RAD51B: variants seen among roughly 807,000 people sequenced by gnomAD.
RAD51B encodes DNA repair protein RAD51 homolog 2.
A neutral mutation model predicts 42.2 loss-of-function variants in RAD51B; 38 were observed. The ratio of observed to expected loss-of-function variants is 0.90; its 90% confidence interval spans 0.70 to 1.18. The LOEUF is 1.18. Among genes scored for constraint, RAD51B ranks in the 50% most tolerant of loss-of-function variants. The pLI, the probability that RAD51B is intolerant of heterozygous loss-of-function variation, is 0.00. For synonymous variants in RAD51B, 154 were observed against 145.2 expected (o/e 1.06, Z -0.43); for missense variants, 373 against 400.7 (o/e 0.93, Z 0.59).
intron 8 of RAD51B, among the ~76,000 whole-genome samples, chr14:68,386,897 T>C (rs2083606115): frequency 6.6e-6 from 1 of 152,182 alleles, no homozygotes; most frequent in African/African-American, 2.4e-5. Flanking sequence ...GTTTGTGACA[T>C]AGAAAAATTG....
chr14:68,221,404 G>T (rs1029403685), intron 7 of RAD51B, among the ~76,000 whole-genome samples: 1 of 152,204 alleles, frequency 6.6e-6, no homozygotes, highest in South Asian at 2.1e-4. Flanking sequence ...ACAGCCAACC[G>T]ATCTTTGACA....
chr14:68,024,845 T>A (rs917285068), intron 7 of RAD51B, among the ~76,000 whole-genome samples: 1 of 152,032 alleles, frequency 6.6e-6, no homozygotes, highest in Non-Finnish European at 1.5e-5. Flanking sequence ...TTATTTTTTA[T>A]TTTTTTGCCT....
intron 10 of RAD51B, among the ~76,000 whole-genome samples, chr14:68,576,895 T>G (rs2140050710): frequency 6.6e-6 from 1 of 152,314 alleles, no homozygotes; most frequent in Non-Finnish European, 1.5e-5. Flanking sequence ...TATTTCAAGA[T>G]CAAGATAAAA....
intron 5 of RAD51B, among the ~76,000 whole-genome samples, chr14:67,878,803 G>A (rs1036290911): frequency 4.6e-5 from 7 of 152,076 alleles, no homozygotes; most frequent in African/African-American, 1.2e-4. Flanking sequence ...GGGTTCAAGC[G>A]ATTCTCCTTA....
At chr14:68,388,094 A>ATATTTT (rs1483952338) in intron 8 of RAD51B, among the ~76,000 whole-genome samples, 7 of 118,930 alleles carry the variant, frequency 5.9e-5, no homozygotes, top group East Asian at 2.3e-4. Context: ...ATATATATAT[A>ATATTTT]TTTTTTTTTT....
downstream of RAD51B, among the ~76,000 whole-genome samples, chr14:68,478,526 T>G (rs568086820): frequency 6.6e-6 from 1 of 152,264 alleles, no homozygotes; most frequent in Non-Finnish European, 1.5e-5. Context: ...ACACTCCTAC[T>G]GCCATGAGGC....
Position 67,832,100 on chromosome 14 carries a change from G to A in RAD51B, c.199-2980G>A, listed in dbSNP as rs191112144. On this transcript the variant is annotated intron_variant, in intron 3 of 10. Coordinates refer to ENST00000471583, the MANE Select transcript of RAD51B (RefSeq NM_133510.4). Reference sequence around the variant, plus strand: ...ATAAATTATATTACATTTATGTTAGGGAATATTATGTAGGCACTAAAATCT... The same window carrying A: ...ATAAATTATATTACATTTATGTTAGAGAATATTATGTAGGCACTAAAATCT... Among the ~76,000 whole-genome samples the A allele has an allele frequency of 3.2e-4, 49 of 152,200 alleles. No homozygotes were observed. The East Asian group carries it at 7.5e-3, about 23-fold the overall frequency.
intron 5 of RAD51B, among the ~76,000 whole-genome samples, chr14:67,877,837 A>C (rs2042776596): frequency 6.6e-6 from 1 of 152,046 alleles, no homozygotes; most frequent in Non-Finnish European, 1.5e-5. Context: ...TAATTAAAAA[A>C]ATTTTTTTGT....
chr14:68,558,390 G>C (rs11851618), intron 10 of RAD51B, among the ~76,000 whole-genome samples: 21 of 152,354 alleles, frequency 1.4e-4, no homozygotes, highest in Admixed American at 3.3e-4. Context: ...CCCTAGCCAC[G>C]CGGGTACTTT....
intron 8 of RAD51B, among the ~76,000 whole-genome samples, chr14:68,380,997 G>A (rs895828452): frequency 6.6e-6 from 1 of 152,218 alleles, no homozygotes; most frequent in African/African-American, 2.4e-5. Flanking sequence ...TAAATTAAAA[G>A]AGCAGAATAT....
chr14:68,304,725 G>A (rs4633645), intron 8 of RAD51B, among the ~76,000 whole-genome samples: 2,258 of 152,258 alleles, frequency 0.015, 51 homozygotes, highest in East Asian at 0.056. Context: ...TAACTTCCCT[G>A]GACCTCAATT....
chr14:68,042,906 CCT>C (rs1383724148), intron 7 of RAD51B, among the ~76,000 whole-genome samples: 2 of 152,220 alleles, frequency 1.3e-5, no homozygotes, highest in East Asian at 3.8e-4. Context: ...GGATTAACTG[CCT>C]CTCTGACTTG....
chr14:68,143,163 G>C (rs1160675979), intron 7 of RAD51B, among the ~76,000 whole-genome samples: 2 of 152,136 alleles, frequency 1.3e-5, no homozygotes, highest in East Asian at 1.9e-4. Flanking sequence ...TGTGTTTTTA[G>C]CATGTCACCT....
intron 10 of RAD51B, chr14:68,541,560 T>A: frequency 1.0e-6 from 1 of 985,468 alleles, no homozygotes; most frequent in East Asian, 1.1e-4. Flanking sequence ...TGAGTCTAGA[T>A]GGCATGCGGT....
At chr14:68,002,626 T>C (rs550223466) in intron 7 of RAD51B, among the ~76,000 whole-genome samples, 9 of 152,340 alleles carry the variant, frequency 5.9e-5, no homozygotes, top group African/African-American at 1.9e-4. Context: ...TGAATGGTAT[T>C]GCCAAGATTT....
chr14:68,280,702 AG>A (rs2081304136), intron 7 of RAD51B, among the ~76,000 whole-genome samples: 1 of 152,238 alleles, frequency 6.6e-6, no homozygotes. Context: ...TAGAGAGAGA[AG>A]GATAACACAA....
At chr14:68,096,509 A>T (rs1425013556) in intron 7 of RAD51B, among the ~76,000 whole-genome samples, 1 of 152,162 alleles carries the variant, frequency 6.6e-6, no homozygotes, top group African/African-American at 2.4e-5. Context: ...TTCGATATTA[A>T]ATCACTGGCC....
intron 10 of RAD51B, chr14:68,563,184 C>T (rs938730208): frequency 4.1e-6 from 4 of 985,332 alleles, no homozygotes; most frequent in Non-Finnish European, 4.8e-6. Flanking sequence ...TCAGGTCTGC[C>T]AAGCCCAAGG....
At chr14:67,971,732 T>TC (rs997631018) in intron 7 of RAD51B, among the ~76,000 whole-genome samples, 2 of 152,018 alleles carry the variant, frequency 1.3e-5, no homozygotes, top group African/African-American at 4.8e-5. Flanking sequence ...TCATCCTCCC[T>TC]CAGGGGGAAT....
Sources: allele counts gnomAD v4.1 joint callset (sites outside exome capture counted in the v4.1 genomes callset), GRCh38; gene constraint gnomAD v4.1.1; transcripts MANE v1.5; gene names NCBI Gene and HGNC (gene_info 2026-07-23, HGNC 2026-07-21).